Variants in BDKRB2 observed in about 807,000 individuals in gnomAD.
BDKRB2 encodes B2 bradykinin receptor.
In BDKRB2, 6 loss-of-function variants were observed where a neutral mutation model predicts 4.0. That is an observed-to-expected ratio of 1.49 (90% CI 0.81 to 2.93). BDKRB2 has a LOEUF of 2.93. Among genes scored for constraint, BDKRB2 ranks in the 30% most tolerant of loss-of-function variants. The pLI, the probability that BDKRB2 is intolerant of heterozygous loss-of-function variation, is 0.00. For synonymous variants in BDKRB2, 225 were observed against 215.3 expected (o/e 1.05, Z -0.40); for missense variants, 478 against 520.1 (o/e 0.92, Z 0.79).
chr14:96,238,604 C>G, intron 2 of BDKRB2: 1 of 984,170 alleles, frequency 1.0e-6, no homozygotes, highest in African/African-American at 1.7e-5. Context: ...CTTGCTACTT[C>G]CCACCTCTCC....
At chr14:96,238,570 C>T (rs1885174320) in intron 2 of BDKRB2, 1 of 985,644 alleles carries the variant, frequency 1.0e-6, no homozygotes. Flanking sequence ...CAGTGAAGAC[C>T]ACGCTTACTC....
chr14:96,220,539 G>T (rs149136936), intron 1 of BDKRB2, among the ~76,000 whole-genome samples: 243 of 152,220 alleles, frequency 1.6e-3, no homozygotes, highest in African/African-American at 5.1e-3. Context: ...TTTCTAAGGA[G>T]TTGGGGTCAT....
chr14:96,238,551 C>T (rs1246571810), intron 2 of BDKRB2: 1 of 985,646 alleles, frequency 1.0e-6, no homozygotes, highest in African/African-American at 1.7e-5. Context: ...GCCTCACTTC[C>T]TTAGCACCCA....
rs1446401460 is a variant in BDKRB2, at chr14:96,237,277, C to T, written c.74+96C>T. ...AGCTCAACTCTCATGCCCCGGACAA[C>T]AGTTGAAGGAACCAGTGATGTTAAG... On this transcript the variant is annotated intron_variant, in intron 2 of 2. Transcript: ENST00000554311. The T allele has an allele frequency of 5.2e-6, 6 of 1,156,100 alleles. No homozygotes were observed. In the Admixed American group the frequency reaches 7.6e-5, roughly 15 times the overall value. 71.6% of individuals were successfully genotyped at this position (1,156,100 alleles called of 1,614,324 possible).
At chr14:96,221,342 G>T (rs116491287) in intron 1 of BDKRB2, among the ~76,000 whole-genome samples, 2,870 of 152,232 alleles carry the variant, frequency 0.019, 84 homozygotes, top group African/African-American at 0.057. Flanking sequence ...TGTAAATGCT[G>T]GTGCAAGCTC....
At chr14:96,239,043 T>C in intron 2 of BDKRB2, 1 of 985,506 alleles carries the variant, frequency 1.0e-6, no homozygotes, top group Non-Finnish European at 1.2e-6. Flanking sequence ...GGACTTTTCC[T>C]GGGAAATCCC....
chr14:96,208,744 C>T (rs1890242823), intron 1 of BDKRB2, among the ~76,000 whole-genome samples: 1 of 152,206 alleles, frequency 6.6e-6, no homozygotes, highest in Non-Finnish European at 1.5e-5. Context: ...AGCCTGTGGG[C>T]ACTGACAGCA....
At chr14:96,211,596 A>G (rs1890304232) in intron 1 of BDKRB2, among the ~76,000 whole-genome samples, 1 of 152,202 alleles carries the variant, frequency 6.6e-6, no homozygotes, top group Non-Finnish European at 1.5e-5. Flanking sequence ...GGGACTCCTC[A>G]AATGAACTGT....
chr14:96,235,976 CAA>C (rs1324469840), intron 1 of BDKRB2, among the ~76,000 whole-genome samples: 1 of 152,078 alleles, frequency 6.6e-6, no homozygotes, highest in Non-Finnish European at 1.5e-5. Flanking sequence ...GGGACTGAGA[CAA>C]GTCACCCCCA....
chr14:96,209,533 G>T (rs1422760829), intron 1 of BDKRB2, among the ~76,000 whole-genome samples: 1 of 152,194 alleles, frequency 6.6e-6, no homozygotes, highest in Non-Finnish European at 1.5e-5. Flanking sequence ...GTAGGGGAAA[G>T]AAGGAAAAAT....
Position 96,240,748 on chromosome 14 carries a change from C to A in BDKRB2, c.420C>A (p.Asn140Lys). ...CRVVNAIISM[N>K]LYSSICFLML... ...TGGTGAATGCCATTATCTCCATGAA[C>A]CTGTACAGCAGCATCTGTTTCCTGA... The change falls in exon 3 of 3, where the codon AAC becomes AAA. Residue 140 changes from asparagine to lysine, a missense_variant. By Grantham distance (94) the Asn-to-Lys change is moderately conservative (BLOSUM62 0). Coordinates refer to ENST00000554311, the MANE Select transcript of BDKRB2 (RefSeq NM_001379692.1). The A allele has an allele frequency of 6.3e-7, 1 of 1,589,312 alleles. No individual in the cohort carries two copies. The highest frequency in any genetic ancestry group is 8.6e-7 in the Non-Finnish European group (1 of 1,169,024).
In BDKRB2 at chr14:96,219,992, T is replaced by C. The variant is rs564881304; in HGVS notation, c.-40+15033T>C. ...CCAATTGCAGTGAGCCATTGTGACATTGGACTTGAAACTGGTCACTGCGAG... is the reference window on the plus strand; with the variant it reads ...CCAATTGCAGTGAGCCATTGTGACACTGGACTTGAAACTGGTCACTGCGAG... On this transcript the variant is annotated intron_variant, in intron 1 of 2. Coordinates refer to ENST00000554311, the MANE Select transcript of BDKRB2 (RefSeq NM_001379692.1). Among the ~76,000 whole-genome samples, 7 of 152,140 alleles carry C rather than the reference T, an allele frequency of 4.6e-5. No homozygotes were observed. The South Asian group carries it at 6.2e-4, about 14-fold the overall frequency.
At chr14:96,207,546 G>A (rs573319463) in intron 1 of BDKRB2, among the ~76,000 whole-genome samples, 7 of 152,304 alleles carry the variant, frequency 4.6e-5, no homozygotes, top group East Asian at 3.9e-4. Context: ...GTCATTGTGC[G>A]TTTGTGCAAA....
At chr14:96,225,598 A>G (rs1239821564) in intron 1 of BDKRB2, among the ~76,000 whole-genome samples, 1 of 152,130 alleles carries the variant, frequency 6.6e-6, no homozygotes, top group East Asian at 1.9e-4. Context: ...AGGTCCCTTC[A>G]GCACCTAGGA....
chr14:96,217,710 G>A (rs575584913), intron 1 of BDKRB2, among the ~76,000 whole-genome samples: 1 of 152,226 alleles, frequency 6.6e-6, no homozygotes, highest in East Asian at 1.9e-4. Flanking sequence ...TCCCAGTAGC[G>A]CCAGCCAGAG....
At chr14:96,239,440 G>A in intron 2 of BDKRB2, 1 of 985,388 alleles carries the variant, frequency 1.0e-6, no homozygotes, top group East Asian at 1.1e-4. Context: ...ATGAATTACA[G>A]CAACAAGTCT....
At position 96,222,456 on chromosome 14, in the gene BDKRB2, T is replaced by A. The variant is rs559864437; in HGVS notation, c.-39-14613T>A. ...CTGGTCATTCTGATGACAGCCCCCA[T>A]CCTGAGCCTATCCAGCCACCACCAA... On this transcript the variant is annotated intron_variant, in intron 1 of 2. Coordinates refer to ENST00000554311, the MANE Select transcript of BDKRB2 (RefSeq NM_001379692.1). 6.8e-4 allele frequency among the ~76,000 whole-genome samples: 103 copies of A among 152,082 alleles called. 3 individuals are homozygous for A. The highest frequency in any genetic ancestry group is 2.4e-3 in the African/African-American group (99 of 41,406).
chr14:96,238,697 T>C, intron 2 of BDKRB2: 1 of 973,072 alleles, frequency 1.0e-6, no homozygotes, highest in Non-Finnish European at 1.2e-6. Flanking sequence ...TCCCCCTGCC[T>C]GGTCCACTTG....
chr14:96,235,668 G>C (rs565498393), intron 1 of BDKRB2, among the ~76,000 whole-genome samples: 1 of 152,114 alleles, frequency 6.6e-6, no homozygotes, highest in East Asian at 1.9e-4. Flanking sequence ...TGAACTGACC[G>C]TTGTCTGATC....
Sources: allele counts gnomAD v4.1 joint callset (sites outside exome capture counted in the v4.1 genomes callset), GRCh38; gene constraint gnomAD v4.1.1; transcripts MANE v1.5; gene names NCBI Gene and HGNC (gene_info 2026-07-23, HGNC 2026-07-21).